ZNF804B: variants seen among roughly 807,000 people sequenced by gnomAD.
ZNF804B encodes zinc finger 804B.
A neutral mutation model predicts 101.4 loss-of-function variants in ZNF804B; 80 were observed. That is an observed-to-expected ratio of 0.79 (90% CI 0.66 to 0.95). ZNF804B has a LOEUF of 0.95. Ranked by LOEUF, ZNF804B falls within the 40% of genes least tolerant of loss-of-function variation. ZNF804B has a pLI of 0.00. For synonymous variants in ZNF804B, 622 were observed against 558.8 expected, an observed-to-expected ratio of 1.11 and a Z score of -1.59; for missense variants, 1,673 against 1,561.9, an observed-to-expected ratio of 1.07 and a Z score of -1.20.
intron 1 of ZNF804B, among the ~76,000 whole-genome samples, chr7:89,164,705 G>A (rs143434174): frequency 7.2e-5 from 11 of 152,124 alleles, no homozygotes; most frequent in African/African-American, 2.2e-4. Context: ...TTTTGATTAA[G>A]AACTTTCTAA....
intron 1 of ZNF804B, among the ~76,000 whole-genome samples, chr7:88,943,520 T>C (rs547847381): frequency 6.6e-6 from 1 of 152,034 alleles, no homozygotes; most frequent in African/African-American, 2.4e-5. Context: ...TGAGTTTAAC[T>C]TCCTCTGACC....
intron 2 of ZNF804B, among the ~76,000 whole-genome samples, chr7:89,254,508 A>G (rs1315786981): frequency 6.6e-6 from 1 of 151,540 alleles, no homozygotes; most frequent in Non-Finnish European, 1.5e-5. Flanking sequence ...TTTCAGTAAT[A>G]TAAATGCATG....
chr7:88,809,323 CTATCTAT>C, intron 1 of ZNF804B, among the ~76,000 whole-genome samples: 1 of 115,804 alleles, frequency 8.6e-6, no homozygotes, highest in Non-Finnish European at 1.8e-5. Context: ...ATCTATCTAT[CTATCTAT>C]CTATCTATCT....
intron 1 of ZNF804B, among the ~76,000 whole-genome samples, chr7:88,901,329 A>G (rs959941310): frequency 6.6e-6 from 1 of 151,848 alleles, no homozygotes; most frequent in African/African-American, 2.4e-5. Context: ...TATATTAAAA[A>G]TTCATCTTCT....
At chr7:89,150,247 C>T (rs1790852977) in intron 1 of ZNF804B, among the ~76,000 whole-genome samples, 1 of 151,878 alleles carries the variant, frequency 6.6e-6, no homozygotes. Context: ...AGTTCGGTAC[C>T]ATCCGAGATT....
At position 88,814,452 on chromosome 7, in the gene ZNF804B, AC is replaced by A. The variant is rs1790843009; in HGVS notation, c.108+54369del. On this transcript the variant is annotated intron_variant, in intron 1 of 3. Transcript: ENST00000333190. The stretch of plus-strand genomic sequence containing the variant: ...CTGTCTCTTACCTCCCTTCAAACAC[AC>A]ACACACACACACACACACACACACA... Among the ~76,000 whole-genome samples the A allele has an allele frequency of 7.2e-5, 3 of 41,408 alleles. No individual in the cohort carries two copies. The South Asian group carries it at 2.7e-3, about 37-fold the overall frequency. The allele number at this position is 41,408 out of a possible 152,430, so 27.2% of individuals were successfully genotyped here. A position where few individuals can be genotyped will look rare whatever the true frequency, so the allele number is the denominator to read the frequency against.
chr7:89,023,055 A>G (rs1173995663), intron 1 of ZNF804B, among the ~76,000 whole-genome samples: 1 of 152,204 alleles, frequency 6.6e-6, no homozygotes, highest in Non-Finnish European at 1.5e-5. Flanking sequence ...ATACCAACAT[A>G]TATAACAAAA....
chr7:89,009,791 C>G (rs1294113989), intron 1 of ZNF804B, among the ~76,000 whole-genome samples: 1 of 152,188 alleles, frequency 6.6e-6, no homozygotes, highest in African/African-American at 2.4e-5. Flanking sequence ...GCCTCCAGAA[C>G]TGTGAACTGT....
At chr7:88,844,902 G>GAAA (rs1449554192) in intron 1 of ZNF804B, among the ~76,000 whole-genome samples, 1 of 152,160 alleles carries the variant, frequency 6.6e-6, no homozygotes, top group East Asian at 1.9e-4. Flanking sequence ...TTTGTCTCTT[G>GAAA]AATAAACATC....
intron 1 of ZNF804B, among the ~76,000 whole-genome samples, chr7:88,995,996 G>C (rs1788189619): frequency 6.6e-6 from 1 of 152,028 alleles, no homozygotes; most frequent in African/African-American, 2.4e-5. Context: ...TCAGACCTTA[G>C]AGGATCTAAG....
At chr7:89,282,949 A>T (rs1180210186) in intron 2 of ZNF804B, among the ~76,000 whole-genome samples, 3 of 152,212 alleles carry the variant, frequency 2.0e-5, no homozygotes, top group Non-Finnish European at 4.4e-5. Context: ...CTTTGAAAGA[A>T]TAAATTTCTG....
At chr7:88,832,269 C>T (rs1279561417) in intron 1 of ZNF804B, among the ~76,000 whole-genome samples, 1 of 151,848 alleles carries the variant, frequency 6.6e-6, no homozygotes, top group Non-Finnish European at 1.5e-5. Flanking sequence ...TTTCAGTCAG[C>T]ACATTACTAA....
intron 1 of ZNF804B, among the ~76,000 whole-genome samples, chr7:89,021,900 C>T (rs1219914371): frequency 6.6e-6 from 1 of 152,182 alleles, no homozygotes; most frequent in African/African-American, 2.4e-5. Context: ...GGGGAATTCA[C>T]ACCTTGTTCT....
chr7:88,851,194 TGAA>T (rs1328802970), intron 1 of ZNF804B, among the ~76,000 whole-genome samples: 1 of 152,058 alleles, frequency 6.6e-6, no homozygotes, highest in African/African-American at 2.4e-5. Context: ...ATGAAGTGCC[TGAA>T]GAAGGAGTAG....
intron 2 of ZNF804B, among the ~76,000 whole-genome samples, chr7:89,325,626 G>T (rs1790885484): frequency 6.6e-6 from 1 of 151,750 alleles, no homozygotes; most frequent in South Asian, 2.1e-4. Flanking sequence ...AAGAAACAGA[G>T]GTACCCCAAA....
At chr7:88,787,207 G>A (rs923515117) in intron 1 of ZNF804B, among the ~76,000 whole-genome samples, 1 of 152,098 alleles carries the variant, frequency 6.6e-6, no homozygotes, top group South Asian at 2.1e-4. Flanking sequence ...GTGAATCTGG[G>A]TAGCAAAGTA....
At chr7:88,791,415 G>A (rs1403488184) in intron 1 of ZNF804B, among the ~76,000 whole-genome samples, 3 of 152,038 alleles carry the variant, frequency 2.0e-5, no homozygotes, top group African/African-American at 7.2e-5. Context: ...TTTTCATAGT[G>A]AGCCTTCATG....
In ZNF804B at chr7:89,336,078, C is replaced by A. The variant is rs1469165511; in HGVS notation, c.3096C>A (p.His1032Gln). ...ACCATCTTTCTAAAGGTATAATTCA[C>A]CTAGTAACAGAGTCTCAGTCACTAA... is the stretch of plus-strand genomic sequence containing the variant. ...CDNHLSKGII[H>Q]LVTESQSLNI... Residue 1032 changes from histidine (H) to glutamine (Q), a missense_variant, in exon 4 of 4, where the codon CAC (histidine) becomes CAA (glutamine). By Grantham distance (24) the His-to-Gln change is conservative. Coordinates refer to ENST00000333190, the MANE Select transcript of ZNF804B (RefSeq NM_181646.5). 9 of 1,613,874 alleles carry A rather than the reference C, an allele frequency of 5.6e-6. No homozygotes were observed. Among genetic ancestry groups the A allele is most frequent in the Non-Finnish European group, 7.6e-6 (9 of 1,179,944 alleles).
chr7:89,223,133 A>G (rs1315319933), intron 2 of ZNF804B, among the ~76,000 whole-genome samples: 1 of 151,780 alleles, frequency 6.6e-6, no homozygotes, highest in South Asian at 2.1e-4. Context: ...AAATTTGGCT[A>G]TTTTTTGGCC....
Sources: gnomAD v4.1 joint callset for allele counts (sites outside exome capture counted in the v4.1 genomes callset) on GRCh38, gnomAD v4.1.1 for gene constraint, MANE v1.5 for transcripts, NCBI Gene and HGNC (gene_info 2026-07-23, HGNC 2026-07-21) for gene names.